The following DYNC1H1 variants were observed in gnomAD, a reference collection of about 807,000 sequenced individuals.
DYNC1H1 encodes cytoplasmic dynein 1 heavy chain 1.
Under a neutral mutation model 527.1 loss-of-function variants are expected in DYNC1H1, and 51 were observed. The ratio of observed to expected loss-of-function variants is 0.10; its 90% CI spans 0.08 to 0.12. The LOEUF is 0.12. Among genes scored for constraint, DYNC1H1 ranks in the 10% least tolerant of loss-of-function variants. The pLI is 1.00. For missense variants in DYNC1H1, 2,771 were observed against 5,971.8 expected (o/e 0.46, Z 17.66); for synonymous variants, 2,189 against 2,278.8 (o/e 0.96, Z 1.12).
chr14:102,008,037 A>T, intron 28 of DYNC1H1, 141 bp from the exon 29 acceptor site: 1 of 1,172,864 alleles, frequency 8.5e-7, no homozygotes, highest in Non-Finnish European at 1.2e-6. Flanking sequence ...ATTTAACCTT[A>T]GTTATGTCCT....
In DYNC1H1 at chr14:102,016,059, G is replaced by A; in HGVS notation, c.7446G>A (p.Gln2482=). ...YNANHPDFPM[Q]IEQLERYIQR... is the part of the protein sequence containing the mutation. ...CCAACCATCCCGACTTCCCCATGCAGATCGAGCAGCTGGAGCGCTACATTC... is the reference window on the plus strand; with the variant it reads ...CCAACCATCCCGACTTCCCCATGCAAATCGAGCAGCTGGAGCGCTACATTC... Residue 2482 remains glutamine, a synonymous_variant, in exon 36 of 78, where the codon CAG becomes CAA. Transcript: ENST00000360184. This position sits in a 1 kb window ranked among gnomAD's most constrained non-coding sequence, Gnocchi z 7.3. 1.2e-6 allele frequency: 2 copies of A among 1,612,462 alleles called. No homozygotes were observed. Among genetic ancestry groups the A allele is most frequent in the Non-Finnish European group, 1.7e-6 (2 of 1,179,570 alleles).
rs768711201 is a variant in DYNC1H1, at chr14:102,039,283, C to G, written c.11460+29C>G. ...GGTGCCTTGGCCATGCAGAGACTGG[C>G]GGGCCCCGCACAGTAGCTCCTTGGC... On this transcript the variant is annotated intron_variant, in intron 60 of 77. Coordinates refer to ENST00000360184, the MANE Select transcript of DYNC1H1 (RefSeq NM_001376.5). This position sits in a 1 kb window ranked among gnomAD's most constrained non-coding sequence, Gnocchi z 7.0. 3 of 1,611,792 alleles carry G rather than the reference C, an allele frequency of 1.9e-6. No homozygotes were observed. The highest frequency in any genetic ancestry group is 1.9e-4 in the Middle Eastern group (1 of 5,142).
In DYNC1H1 at chr14:102,020,073, A is replaced by G; in HGVS notation, c.8507+17A>G. 1 of 1,613,686 alleles carries G rather than the reference A, an allele frequency of 6.2e-7. No homozygotes were observed. The highest frequency in any genetic ancestry group is 8.5e-7 in the Non-Finnish European group (1 of 1,179,854). The stretch of plus-strand genomic sequence containing the variant: ...CCAAGATAGGTAAGGGAAGCCGAGG[A>G]TCCAGTTGGTCCCATTCTCCCCTGC... On this transcript the variant is annotated intron_variant, in intron 42 of 77. Transcript: ENST00000360184. The surrounding 1 kb of genome is among the most constrained non-coding windows in gnomAD (Gnocchi z 4.3).
In DYNC1H1 at chr14:101,999,970, G is replaced by A. The variant is rs1468919403; in HGVS notation, c.3805-19G>A. On this transcript the variant is annotated intron_variant, in intron 16 of 77. Transcript: ENST00000360184. ...CTGAGACATTGTGCTCCAATTCTCT[G>A]TGCTCTGACTGCTTTCAGGGCAACC... The A allele has an allele frequency of 2.9e-5, 47 of 1,614,110 alleles. No individual in the cohort carries two copies. Among genetic ancestry groups the A allele is most frequent in the Non-Finnish European group, 3.9e-5 (46 of 1,180,028 alleles).
In DYNC1H1 at chr14:102,010,423, T is replaced by C; in HGVS notation, c.6369T>C (p.Asp2123=). ...REKEERGEAV[D]EGEIAENLPE... Reference sequence around the variant, plus strand: ...AAGAGGAACGAGGGGAAGCAGTTGATGAAGGAGAAATTGCTGAAAATCTCC... The same window carrying C: ...AAGAGGAACGAGGGGAAGCAGTTGACGAAGGAGAAATTGCTGAAAATCTCC... Residue 2123 remains aspartate (D), a synonymous_variant, in exon 31 of 78, where the codon GAT becomes GAC. Coordinates refer to ENST00000360184, the MANE Select transcript of DYNC1H1 (RefSeq NM_001376.5). The surrounding 1 kb of genome is among the most constrained non-coding windows in gnomAD (Gnocchi z 6.0). 2 of 1,614,168 alleles carry C rather than the reference T, an allele frequency of 1.2e-6. No individual in the cohort carries two copies. The highest frequency in any genetic ancestry group is 1.7e-6 in the Non-Finnish European group (2 of 1,180,016).
chr14:102,032,498 A>G lies in DYNC1H1; in HGVS notation c.10079+31A>G, dbSNP rs752509693. On this transcript the variant is annotated intron_variant, in intron 52 of 77. Coordinates refer to ENST00000360184, the MANE Select transcript of DYNC1H1 (RefSeq NM_001376.5). The stretch of plus-strand genomic sequence containing the variant: ...AAAGTGGAAGTGCCAAGGTATTGCC[A>G]GAAATTGAAATCAGTTGTTCAGGCC... 3.7e-6 allele frequency: 6 copies of G among 1,613,746 alleles called. No homozygotes were observed. The South Asian group carries it at 5.5e-5, about 15-fold the overall frequency.
Position 102,049,743 on chromosome 14 carries a change from C to T in DYNC1H1, c.13545C>T (p.Phe4515=), listed in dbSNP as rs754081062. Residue 4515 remains phenylalanine, a synonymous_variant, in exon 76 of 78, where the codon TTC becomes TTT. Coordinates refer to ENST00000360184, the MANE Select transcript of DYNC1H1 (RefSeq NM_001376.5). The surrounding 1 kb of genome is among the most constrained non-coding windows in gnomAD (Gnocchi z 5.5). ...KNIHVCLGGL[F]VPEAYITATR... The stretch of plus-strand genomic sequence containing the variant: ...TCCACGTGTGCCTGGGTGGCCTGTT[C>T]GTGCCTGAGGCGTACATCACTGCCA... The T allele has an allele frequency of 3.1e-6, 5 of 1,613,892 alleles. No individual in the cohort carries two copies. Among genetic ancestry groups the T allele is most frequent in the Admixed American group, 1.7e-5 (1 of 60,026 alleles).
Position 102,017,048 on chromosome 14 carries a change from G to A in DYNC1H1, c.7849-40G>A, listed in dbSNP as rs1450987384. On this transcript the variant is annotated intron_variant, in intron 38 of 77. Transcript: ENST00000360184. This position sits in a 1 kb window ranked among gnomAD's most constrained non-coding sequence, Gnocchi z 4.6. Reference sequence around the variant, plus strand: ...GCAGACCTTTTGGTGCTGAGCATGGGGTTGGTCTTACAGTGTGGTTTTGTG... The same window carrying A: ...GCAGACCTTTTGGTGCTGAGCATGGAGTTGGTCTTACAGTGTGGTTTTGTG... The A allele has an allele frequency of 6.2e-7, 1 of 1,614,218 alleles. No homozygotes were observed. Among genetic ancestry groups the A allele is most frequent in the Non-Finnish European group, 8.5e-7 (1 of 1,180,032 alleles).
At chr14:102,024,946 G>A (rs537132260) in intron 43 of DYNC1H1, among the ~76,000 whole-genome samples, 8 of 151,556 alleles carry the variant, frequency 5.3e-5, no homozygotes, top group South Asian at 4.2e-4. Context: ...AGCCCATCTC[G>A]GCCTCCCAAA....
rs780024741 is a variant in DYNC1H1, at chr14:102,036,694, T to C, written c.10908+52T>C. ...AACACTGCATTCAAGAGTGAATTCC[T>C]TTTTGGGGGCTGCCTTTAGTTTTCA... On this transcript the variant is annotated intron_variant, in intron 57 of 77. Transcript: ENST00000360184. This position sits in a 1 kb window ranked among gnomAD's most constrained non-coding sequence, Gnocchi z 5.6. 6.2e-7 allele frequency: 1 copy of C among 1,610,208 alleles called. No homozygotes were observed. Among genetic ancestry groups the C allele is most frequent in the Admixed American group, 1.7e-5 (1 of 59,986 alleles).
At chr14:102,004,037 C>T (rs1031863721) in intron 23 of DYNC1H1, among the ~76,000 whole-genome samples, 2 of 151,740 alleles carry the variant, frequency 1.3e-5, no homozygotes, top group South Asian at 2.1e-4. Context: ...GTCAGGAGAT[C>T]GAGACCATCC....
At chr14:102,006,741 A>G (rs2141290158) in intron 27 of DYNC1H1, among the ~76,000 whole-genome samples, 1 of 151,684 alleles carries the variant, frequency 6.6e-6, no homozygotes, top group African/African-American at 2.4e-5. Flanking sequence ...CTGGGACTAC[A>G]GGCGCCCACC....
chr14:102,006,251 C>A (rs2048195326), intron 27 of DYNC1H1, 81 bp downstream of exon 27: 1 of 1,582,854 alleles, frequency 6.3e-7, no homozygotes, highest in African/African-American at 1.3e-5. Flanking sequence ...GAATGTACTT[C>A]TTTTTGAGAT....
Position 102,010,870 on chromosome 14 carries a change from G to T in DYNC1H1, c.6536G>T (p.Arg2179Leu). 1 of 1,614,226 alleles carries T rather than the reference G, an allele frequency of 6.2e-7. No individual in the cohort carries two copies. The highest frequency in any genetic ancestry group is 8.5e-7 in the Non-Finnish European group (1 of 1,180,044). ...QYHRGEMTAL[R>L]EELKKVCQEM... Reference sequence around the variant, plus strand: ...CACAGGGGTGAGATGACTGCCCTTCGAGAGGAGCTGAAGAAAGTGTGTCAG... The same window carrying T: ...CACAGGGGTGAGATGACTGCCCTTCTAGAGGAGCTGAAGAAAGTGTGTCAG... The change falls in exon 32 of 78, where the codon CGA becomes CTA. Residue 2179 changes from arginine (R) to leucine (L), a missense_variant. Arg to Leu is a moderately radical substitution (Grantham distance 102, BLOSUM62 -2). Coordinates refer to ENST00000360184, the MANE Select transcript of DYNC1H1 (RefSeq NM_001376.5). This position sits in a 1 kb window ranked among gnomAD's most constrained non-coding sequence, Gnocchi z 6.0.
rs369660980 is a variant in DYNC1H1, at chr14:102,029,783, T to C, written c.9643-36T>C. ...GACCCCTTTCCATATAATTTCTGCA[T>C]GTTTCTCGTCTCTGAGTGTGGGCTT... On this transcript the variant is annotated intron_variant, in intron 49 of 77. Transcript: ENST00000360184. The surrounding 1 kb of genome is among the most constrained non-coding windows in gnomAD (Gnocchi z 5.3). 186 of 1,614,064 alleles carry C rather than the reference T, an allele frequency of 1.2e-4. No homozygotes were observed. Among genetic ancestry groups the C allele is most frequent in the Non-Finnish European group, 1.5e-4 (173 of 1,180,038 alleles).
rs1429699631 is a variant in DYNC1H1, at chr14:102,039,887, G to C, written c.11690+155G>C. ...GAGTCTCCCTTTGTTGCCTAGGCTG[G>C]AGTGCCGTGGTGTAATCTCACCTCA... On this transcript the variant is annotated intron_variant, in intron 62 of 77. Transcript: ENST00000360184. This position sits in a 1 kb window ranked among gnomAD's most constrained non-coding sequence, Gnocchi z 7.0. Among the ~76,000 whole-genome samples, 2 of 151,968 alleles carry C rather than the reference G, an allele frequency of 1.3e-5. No individual in the cohort carries two copies. The highest frequency in any genetic ancestry group is 4.8e-5 in the African/African-American group (2 of 41,400).
chr14:102,015,303 G>T lies in DYNC1H1; in HGVS notation c.7213G>T (p.Gly2405Trp). The T allele has an allele frequency of 6.2e-7, 1 of 1,613,864 alleles. No individual in the cohort carries two copies. Among genetic ancestry groups the T allele is most frequent in the Admixed American group, 1.7e-5 (1 of 59,988 alleles). The change falls in exon 35 of 78, where the codon GGG (glycine) becomes TGG (tryptophan). Residue 2405 changes from glycine to tryptophan, a missense_variant. By Grantham distance (184) the Gly-to-Trp change is radical (BLOSUM62 -2). Coordinates refer to ENST00000360184, the MANE Select transcript of DYNC1H1 (RefSeq NM_001376.5). This position sits in a 1 kb window ranked among gnomAD's most constrained non-coding sequence, Gnocchi z 6.9. ...QRRRKGKEDE[G>W]EEAASPMLQI... The stretch of plus-strand genomic sequence containing the variant: ...GCGGCGTAAGGGCAAAGAGGATGAG[G>T]GGGAGGAGGCCGCTTCCCCCATGCT...
chr14:102,034,956 C>T (rs1053864217), intron 56 of DYNC1H1: 15 of 241,942 alleles, frequency 6.2e-5, no homozygotes, highest in Admixed American at 3.1e-4. Context: ...ATAGGCCGGG[C>T]ACAGTGGCTC....
chr14:102,012,498 T>C lies in DYNC1H1; in HGVS notation c.7014+28T>C. 1 of 1,614,156 alleles carries C rather than the reference T, an allele frequency of 6.2e-7. No homozygotes were observed. The highest frequency in any genetic ancestry group is 8.5e-7 in the Non-Finnish European group (1 of 1,180,026). ...AAGTAGCCTTTTGTATGTCGTCAAC[T>C]GAATAATTCCTTTTGGCCAACTAAA... On this transcript the variant is annotated intron_variant, in intron 34 of 77. Transcript: ENST00000360184. The surrounding 1 kb of genome is among the most constrained non-coding windows in gnomAD (Gnocchi z 4.9).
Sources: gnomAD v4.1 joint callset for allele counts (sites outside exome capture counted in the v4.1 genomes callset) on GRCh38, gnomAD v4.1.1 for gene constraint, Gnocchi (gnomAD v3.1) non-coding constraint, MANE v1.5 for transcripts, NCBI Gene and HGNC (gene_info 2026-07-23, HGNC 2026-07-21) for gene names.